CDH18: variants seen among roughly 807,000 people sequenced by gnomAD.
The protein encoded by CDH18 is cadherin-18.
A neutral mutation model predicts 67.9 loss-of-function variants in CDH18; 31 were observed. The ratio of observed to expected loss-of-function variants is 0.46; its 90% CI spans 0.34 to 0.62. The LOEUF (loss-of-function observed/expected upper bound fraction) is 0.62. CDH18 is among the 20% of genes least tolerant of loss of function. The pLI, the probability that CDH18 is intolerant of heterozygous loss-of-function variation, is 0.01. For missense variants in CDH18, 890 were observed against 975.5 expected (o/e 0.91, Z 1.17); for synonymous variants, 362 against 347.2 (o/e 1.04, Z -0.48).
At chr5:19,550,509 C>T (rs1235532181) in intron 8 of CDH18, among the ~76,000 whole-genome samples, 4 of 151,374 alleles carry the variant, frequency 2.6e-5, no homozygotes, top group Non-Finnish European at 5.9e-5. Context: ...TAAGAACATG[C>T]GGTGTTTGGT....
intron 2 of CDH18, among the ~76,000 whole-genome samples, chr5:20,022,409 T>C (rs1738511486): frequency 6.6e-6 from 1 of 152,208 alleles, no homozygotes; most frequent in African/African-American, 2.4e-5. Flanking sequence ...ATATGAATGA[T>C]ATTACCATCT....
chr5:20,062,596 TACTGA>T (rs1340936728), intron 2 of CDH18, among the ~76,000 whole-genome samples: 109 of 152,322 alleles, frequency 7.2e-4, no homozygotes, highest in Non-Finnish European at 1.3e-4. Flanking sequence ...AACATTTCTC[TACTGA>T]ACTGTCTTAT....
intron 2 of CDH18, among the ~76,000 whole-genome samples, chr5:20,033,895 A>T (rs1739615427): frequency 6.6e-6 from 1 of 152,080 alleles, no homozygotes; most frequent in South Asian, 2.1e-4. Context: ...CAGTGAAAAT[A>T]TAAATACAGT....
intron 2 of CDH18, among the ~76,000 whole-genome samples, chr5:20,126,104 C>T (rs986289987): frequency 1.3e-5 from 2 of 152,046 alleles, no homozygotes; most frequent in African/African-American, 2.4e-5. Flanking sequence ...ATGGTCCTGG[C>T]AAAAGACAGG....
chr5:19,638,220 T>A (rs1174700289), intron 5 of CDH18, among the ~76,000 whole-genome samples: 5 of 152,184 alleles, frequency 3.3e-5, no homozygotes, highest in South Asian at 2.1e-4. Flanking sequence ...CTAATAGAAG[T>A]ACCATATTTT....
rs1323848313 is a variant in CDH18 at position 19,490,186 on chromosome 5, T to A, written c.1631-6634A>T. Among the ~76,000 whole-genome samples, 3 of 151,822 alleles carry A rather than the reference T, an allele frequency of 2.0e-5. No individual in the cohort carries two copies. The East Asian group carries it at 5.8e-4, about 29-fold the overall frequency. ...TCCTCAGAGAGTTTTAACAAGTGAATGTATAATTCTATTTTTAAAATAGTT... is the reference window on the plus strand; with the variant it reads ...TCCTCAGAGAGTTTTAACAAGTGAAAGTATAATTCTATTTTTAAAATAGTT... On this transcript the variant is annotated intron_variant, in intron 11 of 12. Transcript: ENST00000382275.
intron 2 of CDH18, among the ~76,000 whole-genome samples, chr5:20,038,454 C>G (rs1469047783): frequency 1.3e-5 from 2 of 152,158 alleles, no homozygotes; most frequent in African/African-American, 2.4e-5. Context: ...CAATAAAATA[C>G]TGACAACCCA....
At chr5:19,491,925 T>C (rs1741534549) in intron 11 of CDH18, among the ~76,000 whole-genome samples, 1 of 152,148 alleles carries the variant, frequency 6.6e-6, no homozygotes, top group Non-Finnish European at 1.5e-5. Flanking sequence ...CAGTGCATTT[T>C]TTCTTGTCTT....
intron 2 of CDH18, among the ~76,000 whole-genome samples, chr5:19,884,993 T>C (rs1332446827): frequency 6.6e-6 from 1 of 152,196 alleles, no homozygotes; most frequent in East Asian, 1.9e-4. Context: ...GTGATATTGG[T>C]AGTTTGAGAT....
At position 20,095,154 on chromosome 5, in the gene CDH18, G is replaced by A. The variant is rs377061860; in HGVS notation, c.-517-103140C>T. Among the ~76,000 whole-genome samples the A allele has an allele frequency of 7.2e-4, 109 of 151,822 alleles. 1 individual carries two copies. The South Asian group carries it at 0.017, about 24-fold the overall frequency. On this transcript the variant is annotated intron_variant, in intron 2 of 14. Transcript: ENST00000507958. ...GGAACATCACACACCAGGCCCTGTC[G>A]GGGGATGAGGGGCAAGGGAGGGATA...
Position 19,671,713 on chromosome 5 carries a change from A to C in CDH18, c.643+49634T>G, listed in dbSNP as rs2150352289. On this transcript the variant is annotated intron_variant, in intron 5 of 12. Transcript: ENST00000382275. ...TGATGGATAAACTGGATCATGAAAA[A>C]GAAAACAAATACAATCTAGGAAAGA... Among the ~76,000 whole-genome samples the C allele has an allele frequency of 3.3e-5, 5 of 152,282 alleles. 1 individual carries two copies. Among genetic ancestry groups the C allele is most frequent in the Admixed American group, 3.3e-4 (5 of 15,260 alleles).
intron 4 of CDH18, among the ~76,000 whole-genome samples, chr5:19,727,507 G>C (rs566201083): frequency 7.2e-4 from 109 of 152,280 alleles, no homozygotes; most frequent in African/African-American, 2.6e-3. Flanking sequence ...TGTTCAGAGA[G>C]AACAAACTGG....
At chr5:20,223,215 A>G (rs1168096910) in intron 2 of CDH18, among the ~76,000 whole-genome samples, 1 of 152,124 alleles carries the variant, frequency 6.6e-6, no homozygotes, top group African/African-American at 2.4e-5. Flanking sequence ...CATCAGCATG[A>G]CCTGGATGTG....
chr5:19,821,618 G>T (rs1042033464), intron 3 of CDH18, among the ~76,000 whole-genome samples: 2 of 152,020 alleles, frequency 1.3e-5, no homozygotes, highest in Non-Finnish European at 2.9e-5. Flanking sequence ...GAAAATCTCT[G>T]TAAGACACTA....
intron 3 of CDH18, among the ~76,000 whole-genome samples, chr5:19,827,042 C>T (rs1460972113): frequency 2.0e-5 from 3 of 151,886 alleles, no homozygotes; most frequent in Admixed American, 2.0e-4. Flanking sequence ...GAAAAATCTA[C>T]CAAGAAAATG....
At chr5:20,007,023 GATGTAA>G (rs1401148123) in intron 2 of CDH18, among the ~76,000 whole-genome samples, 1 of 151,860 alleles carries the variant, frequency 6.6e-6, no homozygotes, top group Admixed American at 6.6e-5. Context: ...GGTTGGCTAT[GATGTAA>G]ATTTCATTTC....
chr5:20,317,155 TC>T (rs1447033691), intron 1 of CDH18, among the ~76,000 whole-genome samples: 1 of 152,100 alleles, frequency 6.6e-6, no homozygotes, highest in Non-Finnish European at 1.5e-5. Flanking sequence ...TAGAATTTTA[TC>T]TTTTTTTTGA....
intron 1 of CDH18, among the ~76,000 whole-genome samples, chr5:20,501,121 T>A (rs1581115477): frequency 6.6e-6 from 1 of 152,234 alleles, no homozygotes; most frequent in Admixed American, 6.5e-5. Flanking sequence ...TGTCAACAAC[T>A]AGCTGAGTGA....
Position 20,375,766 on chromosome 5 carries a change from T to A in CDH18, c.-579-120261A>T, listed in dbSNP as rs139325042. 4.6e-5 allele frequency among the ~76,000 whole-genome samples: 7 copies of A among 152,270 alleles called. No individual in the cohort carries two copies. The East Asian group carries it at 1.4e-3, about 29-fold the overall frequency. ...ATGTATTGTTTCTTTCTCTGTCTAG[T>A]GTGTCTAGATGATTTAAGGTTTCAT... On this transcript the variant is annotated intron_variant, in intron 1 of 14. Coordinates refer to the CDH18 transcript ENST00000507958.
Sources: allele counts gnomAD v4.1 joint callset (sites outside exome capture counted in the v4.1 genomes callset), GRCh38; gene constraint gnomAD v4.1.1; transcripts MANE v1.5; gene names NCBI Gene and HGNC (gene_info 2026-07-23, HGNC 2026-07-21).